The following CADPS variants were observed in gnomAD, a reference collection of about 807,000 sequenced individuals.
CADPS encodes the protein calcium-dependent secretion activator 1.
A neutral mutation model predicts 167.3 loss-of-function variants in CADPS; 57 were observed. That is an observed-to-expected ratio of 0.34 (90% confidence interval 0.28 to 0.42). CADPS has a LOEUF of 0.42. Ranked by LOEUF, CADPS falls within the 20% of genes least tolerant of loss-of-function variation. The pLI, the probability that CADPS is intolerant of heterozygous loss-of-function variation, is 1.00. For missense variants in CADPS, 1,414 were observed against 1,738.1 expected (o/e 0.81, Z 3.32); for synonymous variants, 676 against 635.3 (o/e 1.06, Z -0.96).
intron 27 of CADPS, among the ~76,000 whole-genome samples, chr3:62,442,920 A>C (rs2056598163): frequency 6.6e-6 from 1 of 152,238 alleles, no homozygotes; most frequent in Non-Finnish European, 1.5e-5. Flanking sequence ...GTACATATAG[A>C]ATATACGTGT....
At chr3:62,776,394 C>G (rs934812411) in intron 1 of CADPS, among the ~76,000 whole-genome samples, 2 of 152,178 alleles carry the variant, frequency 1.3e-5, no homozygotes, top group African/African-American at 2.4e-5. Flanking sequence ...GTGGCTCATG[C>G]CTGTAATCCC....
chr3:62,664,326 C>G (rs1442043682), intron 3 of CADPS, among the ~76,000 whole-genome samples: 1 of 152,176 alleles, frequency 6.6e-6, no homozygotes, highest in Non-Finnish European at 1.5e-5. Context: ...CATTTTTAAA[C>G]TGAAGCTAGA....
rs115337715 is a variant in CADPS, at chr3:62,418,774, T to C, written c.3778-15589A>G. On this transcript the variant is annotated intron_variant, in intron 28 of 29. Coordinates refer to ENST00000383710, the MANE Select transcript of CADPS (RefSeq NM_003716.4). ...AAATATCAAAATATACCTTCCCCCCTCTATCTCTTTTGATTAGCCTCCAAG... is the reference window on the plus strand; with the variant it reads ...AAATATCAAAATATACCTTCCCCCCCCTATCTCTTTTGATTAGCCTCCAAG... Among the ~76,000 whole-genome samples the C allele has an allele frequency of 4.5e-3, 683 of 152,148 alleles. 4 individuals carry two copies. Among genetic ancestry groups the C allele is most frequent in the African/African-American group, 0.015 (627 of 41,498 alleles).
chr3:62,720,502 T>A lies in CADPS; in HGVS notation c.888+32939A>T, dbSNP rs2075570836. Among the ~76,000 whole-genome samples, 2 of 152,064 alleles carry A rather than the reference T, an allele frequency of 1.3e-5. 1 individual carries two copies. Among genetic ancestry groups the A allele is most frequent in the South Asian group, 4.2e-4 (2 of 4,808 alleles). On this transcript the variant is annotated intron_variant, in intron 3 of 29. Transcript: ENST00000383710. ...ATGCATGTACCACACTCAGCTAATT[T>A]TTAGAAAATTATTTTTTGTAGAAAT...
At chr3:62,556,493 G>A (rs2078168740) in intron 10 of CADPS, among the ~76,000 whole-genome samples, 1 of 152,130 alleles carries the variant, frequency 6.6e-6, no homozygotes, top group Non-Finnish European at 1.5e-5. Flanking sequence ...AGCAATATGG[G>A]AGTAGAAAAA....
At chr3:62,449,364 G>A (rs1271701479) in intron 26 of CADPS, among the ~76,000 whole-genome samples, 2 of 152,194 alleles carry the variant, frequency 1.3e-5, no homozygotes, top group Admixed American at 6.5e-5. Context: ...CCCCTTAGAG[G>A]TAGGAAGTTG....
intron 13 of CADPS, among the ~76,000 whole-genome samples, chr3:62,520,012 C>A (rs554655740): frequency 6.6e-6 from 1 of 152,260 alleles, no homozygotes; most frequent in South Asian, 2.1e-4. Flanking sequence ...TGTGCATGCA[C>A]ACACTCAACT....
chr3:62,634,444 A>G (rs2065877822), intron 6 of CADPS, among the ~76,000 whole-genome samples: 1 of 152,220 alleles, frequency 6.6e-6, no homozygotes, highest in Non-Finnish European at 1.5e-5. Flanking sequence ...TAGAGCACAT[A>G]TGAAGATTTT....
intron 9 of CADPS, among the ~76,000 whole-genome samples, chr3:62,565,289 G>A (rs2924117): frequency 0.92 from 139,418 of 152,232 alleles, 64,976 homozygotes; most frequent in Non-Finnish European, 1. Flanking sequence ...GGAAGATGGC[G>A]AGAGGAGGCT....
chr3:62,585,038 G>C, intron 8 of CADPS, 147 bp downstream of exon 8: 1 of 752,592 alleles, frequency 1.3e-6, no homozygotes. Flanking sequence ...GAAGTTTACA[G>C]TAAATATCAA....
At chr3:62,484,975 G>A (rs190182856) in intron 21 of CADPS, among the ~76,000 whole-genome samples, 1 of 152,206 alleles carries the variant, frequency 6.6e-6, no homozygotes, top group African/African-American at 2.4e-5. Context: ...CTTTGGGGCA[G>A]GGGCATTCTC....
chr3:62,565,353 C>T (rs2079954956), intron 9 of CADPS, among the ~76,000 whole-genome samples: 1 of 152,156 alleles, frequency 6.6e-6, no homozygotes, highest in Admixed American at 6.6e-5. Flanking sequence ...TGCTCGGTTC[C>T]ATAGAGAACA....
intron 26 of CADPS, among the ~76,000 whole-genome samples, chr3:62,450,751 A>G (rs771130196): frequency 5.9e-5 from 9 of 152,200 alleles, no homozygotes; most frequent in Non-Finnish European, 1.2e-4. Flanking sequence ...GCCTGAAACA[A>G]AGAACATTTA....
chr3:62,610,729 G>A (rs2149287365), intron 6 of CADPS, among the ~76,000 whole-genome samples: 1 of 152,244 alleles, frequency 6.6e-6, no homozygotes, highest in East Asian at 1.9e-4. Flanking sequence ...CAAGGGGAGT[G>A]TGAGACCCCC....
At chr3:62,734,062 T>C (rs980220257) in intron 3 of CADPS, among the ~76,000 whole-genome samples, 3 of 152,220 alleles carry the variant, frequency 2.0e-5, no homozygotes, top group African/African-American at 7.2e-5. Flanking sequence ...GTTGGTTCCA[T>C]AATTTTTGCA....
At chr3:62,413,853 T>C (rs1488122081) in intron 28 of CADPS, among the ~76,000 whole-genome samples, 2 of 151,564 alleles carry the variant, frequency 1.3e-5, no homozygotes, top group Non-Finnish European at 2.9e-5. Flanking sequence ...TATGTAGCAA[T>C]GTACATATTC....
In CADPS at chr3:62,621,994, T is replaced by C. The variant is rs563082933; in HGVS notation, c.1325+23728A>G. The stretch of plus-strand genomic sequence containing the variant: ...TTCCTTCTTATGTAAATCCCACTCA[T>C]CCCACCCATCCTCCTACAAGTTTCA... On this transcript the variant is annotated intron_variant, in intron 6 of 29. Transcript: ENST00000383710. Among the ~76,000 whole-genome samples, 212 of 152,032 alleles carry C rather than the reference T, an allele frequency of 1.4e-3. 1 individual carries two copies. Among genetic ancestry groups the C allele is most frequent in the African/African-American group, 5.0e-3 (207 of 41,500 alleles).
chr3:62,658,502 T>C (rs2072301424), intron 4 of CADPS, among the ~76,000 whole-genome samples: 1 of 152,186 alleles, frequency 6.6e-6, no homozygotes, highest in African/African-American at 2.4e-5. Flanking sequence ...GGTCAGATTC[T>C]CTAATGTCTC....
Position 62,829,916 on chromosome 3 carries a change from C to T in CADPS, c.441+44673G>A. Among the ~76,000 whole-genome samples the T allele has an allele frequency of 3.3e-5, 5 of 152,284 alleles. No individual in the cohort carries two copies. In the South Asian group the frequency reaches 1.0e-3, roughly 32 times the overall value. On this transcript the variant is annotated intron_variant, in intron 1 of 29. Coordinates refer to ENST00000383710, the MANE Select transcript of CADPS (RefSeq NM_003716.4). The stretch of plus-strand genomic sequence containing the variant: ...CTTGACTGTAACATTCAGGACCTAT[C>T]CCTGACCAACAGCCAACTTGTTGTC...
Sources: gnomAD v4.1 joint callset for allele counts (sites outside exome capture counted in the v4.1 genomes callset) on GRCh38, gnomAD v4.1.1 for gene constraint, MANE v1.5 for transcripts, NCBI Gene and HGNC (gene_info 2026-07-23, HGNC 2026-07-21) for gene names.